The following PHKA1 variants were observed in gnomAD, a reference collection of about 807,000 sequenced individuals.
PHKA1 encodes phosphorylase b kinase regulatory subunit alpha, skeletal muscle isoform.
PHKA1 carries 60 observed loss-of-function variants against 110.2 expected under a neutral mutation model. The ratio of observed to expected loss-of-function variants is 0.54; its 90% CI spans 0.44 to 0.68. The LOEUF is 0.68. PHKA1 is among the 30% of genes least tolerant of loss of function. The pLI is 0.00. For missense variants in PHKA1, 801 were observed against 942.5 expected, an observed-to-expected ratio of 0.85 and a Z score of 1.97; for synonymous variants, 316 against 333.6, an observed-to-expected ratio of 0.95 and a Z score of 0.58.
At chrX:72,653,747 A>T (rs1254039751) in intron 10 of PHKA1, among the ~76,000 whole-genome samples, 1 of 112,082 alleles carries the variant, frequency 8.9e-6, no homozygotes, top group African/African-American at 3.2e-5. Context: ...CTATCCTAGG[A>T]GCTATGTGTA....
chrX:72,609,688 GA>G lies in PHKA1; in HGVS notation c.2541del (p.Leu848SerfsTer7). The G allele has an allele frequency of 8.4e-7, 1 of 1,196,655 alleles. No homozygotes were observed. Among genetic ancestry groups the G allele is most frequent in the Non-Finnish European group, 1.1e-6 (1 of 881,892 alleles). On this transcript the variant is annotated frameshift_variant, in exon 23 of 32. Coordinates refer to ENST00000373542, the MANE Select transcript of PHKA1 (RefSeq NM_002637.4). LOFTEE classifies it high-confidence loss of function. ...ACTGTCAAATGTTTCTGGTGGGAGA[GA>G]AGGTCTGTGCAGGCCTAACAAGAGA... is the stretch of plus-strand genomic sequence containing the variant. ...VEALDEACTD[L>X]LSHQKHLTVG...
At chrX:72,608,854 C>A (rs1002322103) in intron 23 of PHKA1, among the ~76,000 whole-genome samples, 1 of 111,391 alleles carries the variant, frequency 9.0e-6, no homozygotes, top group African/African-American at 3.3e-5. Context: ...GGGGGGAATA[C>A]CCTTTTTAAA....
Position 72,675,629 on chromosome X carries a change from G to T in PHKA1, c.618+441C>A, listed in dbSNP as rs782439037. Among the ~76,000 whole-genome samples, 5 of 110,809 alleles carry T rather than the reference G, an allele frequency of 4.5e-5. No individual in the cohort carries two copies. The South Asian group carries it at 1.9e-3, about 43-fold the overall frequency. ...GGGTAGGATGAAAAAGTAGAGCCAA[G>T]TTGAATAGTAATGCTGCTGCTGCTA... On this transcript the variant is annotated intron_variant, in intron 6 of 31. Coordinates refer to ENST00000373542, the MANE Select transcript of PHKA1 (RefSeq NM_002637.4).
chrX:72,588,365 T>C (rs1556218321), intron 29 of PHKA1, among the ~76,000 whole-genome samples: 2 of 111,958 alleles, frequency 1.8e-5, no homozygotes, highest in Non-Finnish European at 3.8e-5. Flanking sequence ...GAAATGAAGG[T>C]GTTCTTTGAA....
chrX:72,595,034 A>G (rs1360555146), intron 28 of PHKA1, among the ~76,000 whole-genome samples: 2 of 111,969 alleles, frequency 1.8e-5, no homozygotes, highest in Non-Finnish European at 3.8e-5. Context: ...TATAGATGCG[A>G]AAATCCTCCA....
chrX:72,613,420 C>T (rs1460226320), intron 21 of PHKA1, among the ~76,000 whole-genome samples: 1 of 109,500 alleles, frequency 9.1e-6, no homozygotes. Context: ...ACACTGACTG[C>T]CCATGAGAAG....
At chrX:72,614,957 C>G (rs1312194680) in intron 21 of PHKA1, among the ~76,000 whole-genome samples, 4 of 108,957 alleles carry the variant, frequency 3.7e-5, no homozygotes, top group Non-Finnish European at 5.8e-5. Flanking sequence ...CCAAATAAGA[C>G]TATGTCACAA....
At chrX:72,675,485 T>C (rs1367249202) in intron 6 of PHKA1, among the ~76,000 whole-genome samples, 1 of 111,651 alleles carries the variant, frequency 9.0e-6, no homozygotes, top group East Asian at 2.8e-4. Context: ...AATCAATCTA[T>C]ATCTTTGCAT....
intron 29 of PHKA1, among the ~76,000 whole-genome samples, chrX:72,590,263 T>G (rs2052499285): frequency 9.0e-6 from 1 of 111,147 alleles, no homozygotes; most frequent in Admixed American, 9.5e-5. Flanking sequence ...GCCTCAGAAA[T>G]AACACTACAC....
At chrX:72,619,118 G>A (rs2052939610) in intron 20 of PHKA1, 96 bp downstream of exon 20, 2 of 597,714 alleles carry the variant, frequency 3.3e-6, no homozygotes, top group Non-Finnish European at 2.9e-6. Context: ...CGTACCACTA[G>A]TTAGTAACAA....
chrX:72,712,883 G>C lies in PHKA1; in HGVS notation c.133C>G (p.Arg45Gly), dbSNP rs782809154. ...GCCAAGATGCTGTACACATTATCTC[G>C]GACCCAAGCATCTTTCTGATCATAG... ...ASYDQKDAWV[R>G]DNVYSILAVW... is the part of the protein sequence containing the mutation. The change falls in exon 2 of 32, where the codon CGA (arginine) becomes GGA (glycine). Residue 45 changes from arginine (R) to glycine (G), a missense_variant. Transcript: ENST00000373542. 8.3e-7 allele frequency: 1 copy of C among 1,210,873 alleles called. No homozygotes were observed. Among genetic ancestry groups the C allele is most frequent in the East Asian group, 3.0e-5 (1 of 33,825 alleles).
At chrX:72,679,654 A>T (rs902039004) in intron 5 of PHKA1, among the ~76,000 whole-genome samples, 7 of 111,517 alleles carry the variant, frequency 6.3e-5, no homozygotes, top group Middle Eastern at 4.6e-3. Flanking sequence ...CCTGAAAAAT[A>T]CATTGGGTGG....
chrX:72,644,157 G>A (rs1268623419), intron 14 of PHKA1, among the ~76,000 whole-genome samples: 2 of 111,443 alleles, frequency 1.8e-5, no homozygotes, highest in East Asian at 2.8e-4. Context: ...CATGCCTTAT[G>A]TACCCAAAGG....
chrX:72,672,331 T>C (rs1364575755), intron 6 of PHKA1, among the ~76,000 whole-genome samples: 1 of 111,691 alleles, frequency 9.0e-6, no homozygotes, highest in East Asian at 2.8e-4. Context: ...TTGGGGTCTT[T>C]CCTCCATTGT....
intron 28 of PHKA1, among the ~76,000 whole-genome samples, chrX:72,601,105 A>G: frequency 9.0e-6 from 1 of 111,615 alleles, no homozygotes; most frequent in Non-Finnish European, 1.9e-5. Flanking sequence ...CCTTGTATAA[A>G]GCAACCGCTC....
At chrX:72,620,225 C>T (rs1371012303) in intron 19 of PHKA1, among the ~76,000 whole-genome samples, 1 of 111,570 alleles carries the variant, frequency 9.0e-6, no homozygotes, top group East Asian at 2.8e-4. Flanking sequence ...ACATTGAACA[C>T]TCTTAGGAAC....
At chrX:72,685,058 C>T (rs1556318340) in intron 4 of PHKA1, among the ~76,000 whole-genome samples, 4 of 111,598 alleles carry the variant, frequency 3.6e-5, no homozygotes, top group Non-Finnish European at 7.6e-5. Flanking sequence ...ATAACTTACA[C>T]ACAGAATGTT....
chrX:72,645,033 C>T (rs59722903), intron 13 of PHKA1, among the ~76,000 whole-genome samples: 6 of 111,110 alleles, frequency 5.4e-5, no homozygotes, highest in Admixed American at 3.8e-4. Context: ...CAGCAGGTAG[C>T]GGGTGCTGGG....
At chrX:72,682,409 C>T (rs2053910387) in intron 5 of PHKA1, among the ~76,000 whole-genome samples, 1 of 113,201 alleles carries the variant, frequency 8.8e-6, no homozygotes, top group African/African-American at 3.2e-5. Flanking sequence ...CGGCCACCAC[C>T]CCGTCTGGGA....
Sources: gnomAD v4.1 joint callset for allele counts (sites outside exome capture counted in the v4.1 genomes callset) on GRCh38, gnomAD v4.1.1 for gene constraint, MANE v1.5 for transcripts, NCBI Gene and HGNC (gene_info 2026-07-23, HGNC 2026-07-21) for gene names.